HPSE2: variants seen among roughly 807,000 people sequenced by gnomAD.
HPSE2 encodes heparanase 2 (inactive).
A neutral mutation model predicts 60.5 loss-of-function variants in HPSE2; 38 were observed. The observed-to-expected ratio is 0.63, with a 90% CI of 0.48 to 0.82. The LOEUF is 0.82. Among genes scored for constraint, HPSE2 ranks in the 40% least tolerant of loss-of-function variants. The pLI is 0.00. For synonymous variants in HPSE2, 295 were observed against 293.2 expected, an observed-to-expected ratio of 1.01 and a Z score of -0.06; for missense variants, 713 against 740.4, an observed-to-expected ratio of 0.96 and a Z score of 0.43.
chr10:98,504,172 T>C (rs1942118831), intron 9 of HPSE2, among the ~76,000 whole-genome samples: 3 of 152,340 alleles, frequency 2.0e-5, no homozygotes, highest in South Asian at 2.1e-4. Context: ...GCACATCATC[T>C]CCTTTCTGAT....
intron 3 of HPSE2, among the ~76,000 whole-genome samples, chr10:98,837,767 G>T (rs2134678328): frequency 6.6e-6 from 1 of 152,142 alleles, no homozygotes; most frequent in East Asian, 1.9e-4. Context: ...CCAGCTGCTG[G>T]GGAGGCTGAG....
chr10:98,595,449 C>T (rs1006157248), intron 9 of HPSE2, among the ~76,000 whole-genome samples: 4 of 152,104 alleles, frequency 2.6e-5, no homozygotes, highest in African/African-American at 4.8e-5. Context: ...GGATTACAGG[C>T]GTGAGCCACC....
In HPSE2 at chr10:99,016,881, G is replaced by A. The variant is rs569661017; in HGVS notation, c.610+127357C>T. Among the ~76,000 whole-genome samples, 26 of 152,180 alleles carry A rather than the reference G, an allele frequency of 1.7e-4. No individual in the cohort carries two copies. In the South Asian group the frequency reaches 5.2e-3, roughly 30 times the overall value. On this transcript the variant is annotated intron_variant, in intron 3 of 11. Transcript: ENST00000370552. The stretch of plus-strand genomic sequence containing the variant: ...CTAGTGATTTTTGCATATTTATTTT[G>A]TATCCTGGGACTTTGCTGAAGTTGT...
At chr10:98,830,019 T>C (rs11189838) in intron 3 of HPSE2, among the ~76,000 whole-genome samples, 1 of 152,082 alleles carries the variant, frequency 6.6e-6, no homozygotes, top group African/African-American at 2.4e-5. Context: ...CAGGCCCTGG[T>C]GTGTGTTGTT....
At chr10:99,065,882 TTCA>T (rs1842598248) in intron 3 of HPSE2, among the ~76,000 whole-genome samples, 1 of 151,902 alleles carries the variant, frequency 6.6e-6, no homozygotes, top group Non-Finnish European at 1.5e-5. Context: ...TCCAGTTTCT[TTCA>T]TCATTTGGAA....
chr10:98,808,071 A>C (rs1951083053), intron 3 of HPSE2, among the ~76,000 whole-genome samples: 1 of 152,090 alleles, frequency 6.6e-6, no homozygotes, highest in South Asian at 2.1e-4. Flanking sequence ...CTTCTTTGAG[A>C]TTTTTCACAA....
chr10:98,600,948 G>C (rs374037632), intron 9 of HPSE2, among the ~76,000 whole-genome samples: 4 of 23,448 alleles, frequency 1.7e-4, no homozygotes, highest in Non-Finnish European at 6.2e-4. Context: ...TATAGAAAGA[G>C]AGAAAGAGAG....
At chr10:99,125,912 T>C (rs945492173) in intron 3 of HPSE2, among the ~76,000 whole-genome samples, 1 of 151,996 alleles carries the variant, frequency 6.6e-6, no homozygotes, top group Non-Finnish European at 1.5e-5. Context: ...GGCTACAGGG[T>C]GAAAGAAGCT....
intron 2 of HPSE2, among the ~76,000 whole-genome samples, chr10:99,216,822 A>T (rs2133920969): frequency 6.6e-6 from 1 of 152,236 alleles, no homozygotes; most frequent in South Asian, 2.1e-4. Context: ...ATCATTTCTC[A>T]TCTATCTGAA....
chr10:99,200,435 T>A (rs527342825), intron 2 of HPSE2, among the ~76,000 whole-genome samples: 34 of 152,216 alleles, frequency 2.2e-4, no homozygotes, highest in Admixed American at 9.2e-4. Context: ...TTTTAGCAGA[T>A]ATTGTAGAGA....
intron 3 of HPSE2, among the ~76,000 whole-genome samples, chr10:99,033,184 A>G (rs967866676): frequency 1.3e-5 from 2 of 152,204 alleles, no homozygotes; most frequent in Non-Finnish European, 2.9e-5. Flanking sequence ...TTTCTTATTT[A>G]CAAATAGAAA....
intron 3 of HPSE2, among the ~76,000 whole-genome samples, chr10:98,779,892 G>C (rs577719816): frequency 6.6e-6 from 1 of 152,128 alleles, no homozygotes; most frequent in Non-Finnish European, 1.5e-5. Context: ...TTTTTACTAA[G>C]AGGCTGACAT....
At chr10:99,077,948 G>A (rs984943702) in intron 3 of HPSE2, among the ~76,000 whole-genome samples, 2 of 152,074 alleles carry the variant, frequency 1.3e-5, no homozygotes, top group African/African-American at 2.4e-5. Flanking sequence ...CCTACTCACA[G>A]TAATGAGTGA....
At chr10:99,305,973 G>GTA in the HPSE2 span, among the ~76,000 whole-genome samples, 1 of 44,054 alleles carries the variant, frequency 2.3e-5, no homozygotes, top group Non-Finnish European at 5.0e-5. Context: ...GCGCGCGCGC[G>GTA]CGCGCGCACA....
At chr10:99,276,263 A>G in the HPSE2 span, among the ~76,000 whole-genome samples, 3 of 152,166 alleles carry the variant, frequency 2.0e-5, no homozygotes, top group Non-Finnish European at 4.4e-5. Flanking sequence ...CTTCATATAC[A>G]TTTTCTCTAC....
At chr10:98,678,146 A>G (rs1440744171) in intron 6 of HPSE2, among the ~76,000 whole-genome samples, 1 of 152,222 alleles carries the variant, frequency 6.6e-6, no homozygotes, top group African/African-American at 2.4e-5. Context: ...GCTGACTTTT[A>G]TATAAGAGAA....
At chr10:99,246,848 TTA>T in the HPSE2 span, among the ~76,000 whole-genome samples, 1 of 152,234 alleles carries the variant, frequency 6.6e-6, no homozygotes, top group African/African-American at 2.4e-5. Context: ...GTTTTTCTTT[TTA>T]TGTGTCCAGT....
chr10:98,917,184 C>T (rs551711292), intron 3 of HPSE2, among the ~76,000 whole-genome samples: 1 of 152,262 alleles, frequency 6.6e-6, no homozygotes, highest in Non-Finnish European at 1.5e-5. Flanking sequence ...CCCCCACTCA[C>T]TATTAGTCTG....
At chr10:98,870,990 C>T (rs1425594406) in intron 3 of HPSE2, among the ~76,000 whole-genome samples, 1 of 151,742 alleles carries the variant, frequency 6.6e-6, no homozygotes, top group Non-Finnish European at 1.5e-5. Context: ...CTCTCTTGCC[C>T]TCTCTCACCA....
Sources: gnomAD v4.1 joint callset for allele counts (sites outside exome capture counted in the v4.1 genomes callset) on GRCh38, gnomAD v4.1.1 for gene constraint, MANE v1.5 for transcripts, NCBI Gene and HGNC (gene_info 2026-07-23, HGNC 2026-07-21) for gene names.